OGDHL: variants seen among roughly 807,000 people sequenced by gnomAD.
OGDHL encodes the protein 2-oxoglutarate dehydrogenase-like, mitochondrial.
A neutral mutation model predicts 109.6 loss-of-function variants in OGDHL; 79 were observed. That is an observed-to-expected ratio of 0.72 (90% CI 0.60 to 0.87). The LOEUF (loss-of-function observed/expected upper bound fraction) is 0.87, where lower values mean the gene tolerates loss of function less well. Among genes scored for constraint, OGDHL ranks in the 40% least tolerant of loss-of-function variants. OGDHL has a pLI of 0.00. For synonymous variants in OGDHL, 528 were observed against 537.2 expected (o/e 0.98, Z 0.24); for missense variants, 1,275 against 1,362.2 (o/e 0.94, Z 1.01).
intron 3 of OGDHL, among the ~76,000 whole-genome samples, chr10:49,755,064 T>C (rs1842838429): frequency 6.6e-6 from 1 of 152,084 alleles, no homozygotes; most frequent in Admixed American, 6.5e-5. Flanking sequence ...GCCAACATGG[T>C]GAAACCCCGT....
At chr10:49,755,873 T>G (rs561951287) in intron 3 of OGDHL, among the ~76,000 whole-genome samples, 1 of 152,348 alleles carries the variant, frequency 6.6e-6, no homozygotes, top group South Asian at 2.1e-4. Flanking sequence ...AAGGGTTAGA[T>G]CACTGTCTGC....
chr10:49,756,661 A>C (rs1466086832), intron 3 of OGDHL, 115 bp downstream of exon 3: 1 of 1,072,502 alleles, frequency 9.3e-7, no homozygotes, highest in African/African-American at 1.6e-5. Context: ...GTAGAGGACA[A>C]GGAGAAGGGC....
rs756647477 is a variant in OGDHL at position 49,745,385 on chromosome 10, T to C, written c.1588A>G (p.Lys530Glu). Reference sequence around the variant, plus strand: ...GTGACTGTGCCCTCGGCAATCAGCTTGTCTGCGTACTTCTTCAGCACAGGC... The same window carrying C: ...GTGACTGTGCCCTCGGCAATCAGCTCGTCTGCGTACTTCTTCAGCACAGGC... ...QVPVLKKYAD[K>E]LIAEGTVTLQ... is the part of the protein sequence containing the mutation. The change falls in exon 12 of 23, where the codon AAG becomes GAG. Residue 530 changes from lysine (K) to glutamate (E), a missense_variant. Physicochemically the swap from Lys to Glu is moderately conservative, Grantham distance 56 (BLOSUM62 1). Coordinates refer to ENST00000374103, the MANE Select transcript of OGDHL (RefSeq NM_018245.3). 6.2e-6 allele frequency: 10 copies of C among 1,614,016 alleles called. 1 individual carries two copies. In the South Asian group the frequency reaches 1.1e-4, roughly 18 times the overall value.
chr10:49,740,940 A>G, intron 15 of OGDHL, 103 bp from the exon 16 acceptor site: 3 of 1,469,760 alleles, frequency 2.0e-6, no homozygotes, highest in Non-Finnish European at 2.8e-6. Flanking sequence ...AGCCTCCGTC[A>G]CTGTCCCAGG....
intron 15 of OGDHL, 124 bp from the exon 16 acceptor site, chr10:49,740,961 G>A: frequency 8.0e-7 from 1 of 1,254,964 alleles, no homozygotes; most frequent in Non-Finnish European, 1.1e-6. Flanking sequence ...AAACCTGCAG[G>A]GTCCCACAAC....
intron 21 of OGDHL, 80 bp downstream of exon 21, chr10:49,736,277 C>T: frequency 6.3e-7 from 1 of 1,589,520 alleles, no homozygotes; most frequent in Non-Finnish European, 8.6e-7. Flanking sequence ...TTCATCTGGC[C>T]TGCCTGGCAC....
At chr10:49,752,771 T>C in intron 3 of OGDHL, 31 bp from the exon 4 acceptor site, 1 of 1,537,704 alleles carries the variant, frequency 6.5e-7, no homozygotes, top group Non-Finnish European at 9.0e-7. Context: ...AGGGTGGGGC[T>C]GGGACCCAGC....
chr10:49,740,580 C>A, intron 16 of OGDHL, 130 bp downstream of exon 16: 1 of 1,173,048 alleles, frequency 8.5e-7, no homozygotes, highest in Non-Finnish European at 1.2e-6. Flanking sequence ...CACCATCCCC[C>A]AGGGCCATCC....
At position 49,738,014 on chromosome 10, in the gene OGDHL, T is replaced by C. The variant is rs750917811; in HGVS notation, c.2450A>G (p.Asn817Ser). The C allele has an allele frequency of 1.8e-5, 29 of 1,614,172 alleles. No homozygotes were observed. Among genetic ancestry groups the C allele is most frequent in the Non-Finnish European group, 2.4e-5 (28 of 1,180,028 alleles). The change falls in exon 19 of 23, where the codon AAC (asparagine) becomes AGC (serine). Residue 817 changes from asparagine to serine, a missense_variant. By Grantham distance (46) the Asn-to-Ser change is conservative. Coordinates refer to ENST00000374103, the MANE Select transcript of OGDHL (RefSeq NM_018245.3). ...QLYDCNWIVV[N>S]CSTPANYFHV... Reference sequence around the variant, plus strand: ...GAAGTAGTTGGCCGGTGTGGAGCAGTTGACCACGATCCAGTTGCAGTCATA... The same window carrying C: ...GAAGTAGTTGGCCGGTGTGGAGCAGCTGACCACGATCCAGTTGCAGTCATA...
At chr10:49,758,799 C>T (rs1843080255) in intron 1 of OGDHL, 2 of 605,208 alleles carry the variant, frequency 3.3e-6, no homozygotes, top group Admixed American at 2.8e-5. Flanking sequence ...TAAACTCTAT[C>T]AATAGATATC....
intron 3 of OGDHL, 24 bp downstream of exon 3, chr10:49,756,752 G>A (rs1842940559): frequency 3.1e-6 from 5 of 1,603,944 alleles, no homozygotes; most frequent in Middle Eastern, 1.7e-4. Flanking sequence ...CAGCCTCCCA[G>A]GCTGTGCCTC....
rs756698692 is a variant in OGDHL at position 49,749,803 on chromosome 10, C to T, written c.910G>A (p.Val304Met). The T allele has an allele frequency of 7.1e-5, 114 of 1,597,628 alleles. No individual in the cohort carries two copies. The highest frequency in any genetic ancestry group is 1.1e-4 in the African/African-American group (8 of 74,756). ...TCCTTGCGGATCACGTTGGCCAGCA[C>T]GTTCAGCCTTCCCCTGGAGCCAGAG... ...LGMPHRGRLN[V>M]LANVIRKDLE... is the part of the protein sequence containing the mutation. Residue 304 changes from valine (V) to methionine (M), a missense_variant, in exon 8 of 23, where the codon GTG becomes ATG. Physicochemically the swap from Val to Met is conservative, Grantham distance 21. Transcript: ENST00000374103.
intron 17 of OGDHL, 51 bp from the exon 18 acceptor site, chr10:49,738,313 A>T: frequency 6.2e-7 from 1 of 1,600,820 alleles, no homozygotes; most frequent in Non-Finnish European, 8.5e-7. Context: ...TGGGAAAGAC[A>T]TCTGGCCCTG....
chr10:49,749,676 C>T, intron 8 of OGDHL, 50 bp downstream of exon 8: 1 of 1,500,584 alleles, frequency 6.7e-7, no homozygotes, highest in Non-Finnish European at 9.0e-7. Flanking sequence ...CAGTCCACCT[C>T]CCAAACACCC....
At chr10:49,757,358 T>C (rs987960644) in intron 2 of OGDHL, among the ~76,000 whole-genome samples, 48 of 152,190 alleles carry the variant, frequency 3.2e-4, no homozygotes, top group African/African-American at 1.1e-3. Flanking sequence ...TTGCATGTGT[T>C]TTCCATAAGA....
At chr10:49,747,269 C>T in intron 8 of OGDHL, 61 bp from the exon 9 acceptor site, 1 of 1,560,586 alleles carries the variant, frequency 6.4e-7, no homozygotes, top group Non-Finnish European at 8.7e-7. Flanking sequence ...GGCAGATACA[C>T]AGGCAGGCAC....
At chr10:49,758,656 A>T (rs1318663349) in intron 1 of OGDHL, 63 bp from the exon 2 acceptor site, 3 of 1,524,772 alleles carry the variant, frequency 2.0e-6, no homozygotes, top group Non-Finnish European at 2.7e-6. Flanking sequence ...AGGCTCTACC[A>T]AGCCACTGTC....
At chr10:49,758,262 G>C in intron 2 of OGDHL, 127 bp downstream of exon 2, 2 of 900,356 alleles carry the variant, frequency 2.2e-6, no homozygotes, top group South Asian at 1.6e-5. Context: ...CTGAGGACCT[G>C]AGAGGCAAAG....
chr10:49,750,077 C>T (rs932090195), intron 7 of OGDHL, among the ~76,000 whole-genome samples: 1 of 152,214 alleles, frequency 6.6e-6, no homozygotes, highest in Admixed American at 6.5e-5. Flanking sequence ...CCAGGCCCCC[C>T]ATGACAGACA....
Sources: gnomAD v4.1 joint callset for allele counts (sites outside exome capture counted in the v4.1 genomes callset) on GRCh38, gnomAD v4.1.1 for gene constraint, MANE v1.5 for transcripts, NCBI Gene and HGNC (gene_info 2026-07-23, HGNC 2026-07-21) for gene names.